The following UNC79 variants were observed in gnomAD, a reference collection of about 807,000 sequenced individuals.
The protein encoded by UNC79 is unc-79 subunit of NALCN channel complex.
In UNC79, 37 loss-of-function variants were observed where a neutral mutation model predicts 283.1. The observed-to-expected ratio is 0.13, with a 90% CI of 0.10 to 0.17. UNC79 has a LOEUF of 0.17. Among genes scored for constraint, UNC79 ranks in the 10% least tolerant of loss-of-function variants. The probability of loss-of-function intolerance (pLI) is 1.00; values close to 1 mark genes in which losing one functional copy is unlikely to be tolerated. For missense variants in UNC79, 2,272 were observed against 3,211.1 expected (o/e 0.71, Z 7.07); for synonymous variants, 1,107 against 1,200.2 (o/e 0.92, Z 1.61).
chr14:93,578,993 G>T (rs180961430), intron 18 of UNC79, among the ~76,000 whole-genome samples: 1 of 151,926 alleles, frequency 6.6e-6, no homozygotes, highest in East Asian at 1.9e-4. Flanking sequence ...ATTTTTGTGG[G>T]TACCTCGTAG....
intron 30 of UNC79, among the ~76,000 whole-genome samples, chr14:93,630,051 A>T (rs1388823386): frequency 6.6e-6 from 1 of 152,272 alleles, no homozygotes; most frequent in Non-Finnish European, 1.5e-5. Flanking sequence ...ACAATATTAT[A>T]TGCAGAAAAT....
chr14:93,639,766 CTA>C (rs955182440), intron 32 of UNC79, among the ~76,000 whole-genome samples: 1 of 152,222 alleles, frequency 6.6e-6, no homozygotes, highest in African/African-American at 2.4e-5. Flanking sequence ...AGGCTCAACA[CTA>C]TTTTTTCTTC....
upstream of UNC79, among the ~76,000 whole-genome samples, chr14:93,426,768 A>AT (rs1012776411): frequency 1.8e-4 from 27 of 151,402 alleles, no homozygotes; most frequent in African/African-American, 5.8e-4. Context: ...CATTATAAGC[A>AT]TTTTTTTTTC....
chr14:93,589,202 C>T (rs1273228504), intron 22 of UNC79, among the ~76,000 whole-genome samples: 5 of 151,990 alleles, frequency 3.3e-5, no homozygotes, highest in African/African-American at 4.8e-5. Flanking sequence ...TCTTTTTCTC[C>T]GGCGCTCAGG....
At chr14:93,357,229 A>T (rs142913641) in intron 1 of UNC79, among the ~76,000 whole-genome samples, 12 of 152,288 alleles carry the variant, frequency 7.9e-5, no homozygotes, top group African/African-American at 2.9e-4. Context: ...ATGGCTGCAT[A>T]GTATTCCATG....
At chr14:93,442,449 T>G (rs2056334519) in intron 1 of UNC79, among the ~76,000 whole-genome samples, 1 of 152,190 alleles carries the variant, frequency 6.6e-6, no homozygotes, top group Non-Finnish European at 1.5e-5. Flanking sequence ...TTAGTCTACA[T>G]GTGAACTAGC....
chr14:93,425,448 A>G (rs943877833), upstream of UNC79, among the ~76,000 whole-genome samples: 2 of 152,246 alleles, frequency 1.3e-5, no homozygotes, highest in African/African-American at 4.8e-5. Flanking sequence ...TTTGAAGAAC[A>G]AGCACTGGTG....
intron 1 of UNC79, among the ~76,000 whole-genome samples, chr14:93,404,177 C>CT (rs1243171490): frequency 3.3e-5 from 5 of 151,542 alleles, no homozygotes; most frequent in Non-Finnish European, 7.4e-5. Flanking sequence ...AACTGAAACT[C>CT]TAAGTAACAG....
chr14:93,600,526 C>T, intron 24 of UNC79, 43 bp from the exon 25 acceptor site: 4 of 1,495,550 alleles, frequency 2.7e-6, no homozygotes, highest in Non-Finnish European at 3.6e-6. Flanking sequence ...ATGTTTATAT[C>T]TGACTTTCTT....
At chr14:93,363,956 G>A (rs772706947) in intron 1 of UNC79, among the ~76,000 whole-genome samples, 15 of 152,034 alleles carry the variant, frequency 9.9e-5, no homozygotes, top group Non-Finnish European at 2.1e-4. Context: ...TTCTGACCTC[G>A]TGATCTACCT....
At chr14:93,542,639 T>C (rs760379931) in exon 14 of UNC79, 14 of 1,614,106 alleles carry the variant, frequency 8.7e-6, no homozygotes, top group Non-Finnish European at 1.1e-5. Flanking sequence ...CCGTATGTGA[T>C]GTTCGCTTCG....
chr14:93,653,019 G>A (rs1405060764), intron 35 of UNC79, among the ~76,000 whole-genome samples: 1 of 152,114 alleles, frequency 6.6e-6, no homozygotes, highest in Admixed American at 6.5e-5. Flanking sequence ...GCACAATGAG[G>A]TAATAATTGG....
intron 13 of UNC79, among the ~76,000 whole-genome samples, chr14:93,541,039 C>T (rs1268465326): frequency 6.6e-6 from 1 of 152,172 alleles, no homozygotes; most frequent in African/African-American, 2.4e-5. Flanking sequence ...ATGCCCAGAT[C>T]GCATTCCAGA....
chr14:93,423,619 C>T (rs900121527), intron 1 of UNC79, among the ~76,000 whole-genome samples: 18 of 152,276 alleles, frequency 1.2e-4, no homozygotes, highest in African/African-American at 4.1e-4. Context: ...CGGGAAAGAA[C>T]AGTCTCTTCA....
intron 1 of UNC79, among the ~76,000 whole-genome samples, chr14:93,354,078 G>A (rs895019639): frequency 5.9e-5 from 9 of 152,050 alleles, no homozygotes; most frequent in East Asian, 1.9e-4. Context: ...TGAAGAATGG[G>A]GGAAAAAAAC....
At chr14:93,663,405 C>T (rs2071808840) in intron 40 of UNC79, among the ~76,000 whole-genome samples, 1 of 152,168 alleles carries the variant, frequency 6.6e-6, no homozygotes. Context: ...GAACAATGTG[C>T]AAATGTTACC....
intron 17 of UNC79, among the ~76,000 whole-genome samples, 173 bp from the exon 18 acceptor site, chr14:93,577,669 C>A (rs977435245): frequency 3.9e-5 from 6 of 152,026 alleles, no homozygotes; most frequent in African/African-American, 1.4e-4. Context: ...GGTTTTATTT[C>A]TTGTTTTTAT....
At chr14:93,668,269 C>T (rs2072436788) in intron 40 of UNC79, among the ~76,000 whole-genome samples, 1 of 152,150 alleles carries the variant, frequency 6.6e-6, no homozygotes. Context: ...CTATAGACAG[C>T]TTTTTAGAAC....
upstream of UNC79, among the ~76,000 whole-genome samples, chr14:93,425,451 C>G (rs1729764289): frequency 5.3e-5 from 8 of 152,176 alleles, no homozygotes; most frequent in Admixed American, 5.2e-4. Flanking sequence ...GAAGAACAAG[C>G]ACTGGTGGGA....
Sources: gnomAD v4.1 joint callset for allele counts (sites outside exome capture counted in the v4.1 genomes callset) on GRCh38, gnomAD v4.1.1 for gene constraint, MANE v1.5 for transcripts, NCBI Gene and HGNC (gene_info 2026-07-23, HGNC 2026-07-21) for gene names.